CLEC16A: variants seen among roughly 807,000 people sequenced by gnomAD.
CLEC16A encodes the protein C-type lectin domain containing 16A, also known as protein CLEC16A.
Under a neutral mutation model 109.5 loss-of-function variants are expected in CLEC16A, and 51 were observed. That is an observed-to-expected ratio of 0.47 (90% CI 0.37 to 0.59). The LOEUF is 0.59. CLEC16A is among the 20% of genes least tolerant of loss of function. The pLI is 0.00. For synonymous variants in CLEC16A, 673 were observed against 564.2 expected, an observed-to-expected ratio of 1.19 and a Z score of -2.73; for missense variants, 1,339 against 1,394.0, an observed-to-expected ratio of 0.96 and a Z score of 0.63.
At chr16:11,064,130 ATCTG>A (rs1213594497) in intron 19 of CLEC16A, among the ~76,000 whole-genome samples, 2 of 152,168 alleles carry the variant, frequency 1.3e-5, no homozygotes, top group Non-Finnish European at 2.9e-5. Context: ...CTGCCCTTTC[ATCTG>A]TCTATTTAAA....
At chr16:11,056,210 C>T (rs2048204463) in intron 18 of CLEC16A, among the ~76,000 whole-genome samples, 1 of 152,114 alleles carries the variant, frequency 6.6e-6, no homozygotes, top group African/African-American at 2.4e-5. Flanking sequence ...TCAGACCAAC[C>T]ACGGGTCAAA....
rs56911220 is a variant in CLEC16A, at chr16:11,018,748, C to CAAAAAAAAAAAAAA, written c.1304-1441_1304-1428dup. The stretch of plus-strand genomic sequence containing the variant: ...TGGGCGACAGAGCGAGACTCCATCT[C>CAAAAAAAAAAAAAA]AAAAAAAAAAAAAAAAATGGAGACA... On this transcript the variant is annotated intron_variant, in intron 11 of 23. Transcript: ENST00000409790. Among the ~76,000 whole-genome samples the CAAAAAAAAAAAAAA allele has an allele frequency of 2.3e-3, 224 of 96,202 alleles. 11 individuals are homozygous for CAAAAAAAAAAAAAA. Among genetic ancestry groups the CAAAAAAAAAAAAAA allele is most frequent in the African/African-American group, 9.4e-3 (213 of 22,776 alleles). The allele number at this position is 96,202 out of a possible 152,430, so 63.1% of individuals were successfully genotyped here. A position where few individuals can be genotyped will look rare whatever the true frequency, so the allele number is the denominator to read the frequency against.
intron 11 of CLEC16A, among the ~76,000 whole-genome samples, chr16:11,015,962 A>G (rs1319575884): frequency 6.6e-6 from 1 of 152,268 alleles, no homozygotes; most frequent in Non-Finnish European, 1.5e-5. Context: ...CTAGCCTCAC[A>G]GGCTTGCTTG....
intron 10 of CLEC16A, among the ~76,000 whole-genome samples, chr16:10,984,537 C>T (rs997178168): frequency 1.3e-5 from 2 of 152,202 alleles, no homozygotes; most frequent in Admixed American, 1.3e-4. Flanking sequence ...ATGCAAATAA[C>T]TCACTGTCTT....
chr16:11,105,524 A>G (rs2152991602), intron 19 of CLEC16A, among the ~76,000 whole-genome samples: 1 of 152,332 alleles, frequency 6.6e-6, no homozygotes, highest in South Asian at 2.1e-4. Flanking sequence ...AAGACACACA[A>G]CTGGTTTTCC....
chr16:11,008,956 G>A (rs982536053), intron 11 of CLEC16A, among the ~76,000 whole-genome samples: 2 of 151,938 alleles, frequency 1.3e-5, no homozygotes, highest in African/African-American at 2.4e-5. Context: ...CCGAGATCGC[G>A]CCACTGCACT....
At chr16:11,071,502 A>AG (rs1413471639) in intron 19 of CLEC16A, among the ~76,000 whole-genome samples, 1 of 151,906 alleles carries the variant, frequency 6.6e-6, no homozygotes, top group African/African-American at 2.4e-5. Context: ...TCTTAGATTG[A>AG]GGGGGAAAAG....
chr16:10,986,948 G>A (rs9928020), intron 10 of CLEC16A, among the ~76,000 whole-genome samples: 2 of 151,662 alleles, frequency 1.3e-5, no homozygotes, highest in East Asian at 3.9e-4. Context: ...CTGTCTCCAG[G>A]GTTCAAGTGA....
At chr16:11,060,537 A>G (rs920777639) in intron 18 of CLEC16A, among the ~76,000 whole-genome samples, 1 of 152,156 alleles carries the variant, frequency 6.6e-6, no homozygotes. Context: ...TGGGCAGGTC[A>G]CTTCACCTTC....
At chr16:10,996,732 TGGGGTGGACTGTGGGCTCTGAGA>T (rs1259264435) in intron 10 of CLEC16A, among the ~76,000 whole-genome samples, 232 of 152,138 alleles carry the variant, frequency 1.5e-3, no homozygotes, top group Middle Eastern at 3.4e-3. Context: ...TTCACCTGTC[TGGGGTGGACTGTGGGCTCTGAGA>T]GGGGTGGACT....
In CLEC16A at chr16:11,123,905, G is replaced by T. The variant is rs1225800645; in HGVS notation, c.2432G>T (p.Gly811Val). The change falls in exon 21 of 24, where the codon GGC becomes GTC. Residue 811 changes from glycine to valine, a missense_variant. Around this residue, in one of 3 missense-constraint regions of CLEC16A, gnomAD observed 1,061 missense variants for 1,006.8 expected, o/e 1.05. Coordinates refer to ENST00000409790, the MANE Select transcript of CLEC16A (RefSeq NM_015226.3). ...ATCGCCAAGCAGCGCCTGGCCAAAGGCCGCATCCAGGCAAGGCGCATGAAG... is the reference window on the plus strand; with the variant it reads ...ATCGCCAAGCAGCGCCTGGCCAAAGTCCGCATCCAGGCAAGGCGCATGAAG... ...CIIAKQRLAK[G>V]RIQARRMKMQ... The T allele has an allele frequency of 6.2e-7, 1 of 1,613,644 alleles. No individual in the cohort carries two copies. Among genetic ancestry groups the T allele is most frequent in the African/African-American group, 1.3e-5 (1 of 74,936 alleles).
chr16:11,049,386 CCTCATGGGTCCATACACAACAACAAATA>C (rs2047812540), intron 17 of CLEC16A, among the ~76,000 whole-genome samples: 1 of 152,170 alleles, frequency 6.6e-6, no homozygotes, highest in Non-Finnish European at 1.5e-5. Flanking sequence ...CAACAAGAGG[CCTCATGGGTCCATACACAACAACAAATA>C]CTCATGGGTC....
intron 18 of CLEC16A, among the ~76,000 whole-genome samples, chr16:11,058,815 T>C (rs1486882894): frequency 6.6e-6 from 1 of 152,208 alleles, no homozygotes; most frequent in Non-Finnish European, 1.5e-5. Flanking sequence ...GCATGAGTTA[T>C]TTGCCTTCAA....
At position 10,954,101 on chromosome 16, in the gene CLEC16A, C is replaced by A. The variant is rs538270029; in HGVS notation, c.81-3681C>A. 6.6e-6 allele frequency among the ~76,000 whole-genome samples: 1 copy of A among 152,316 alleles called. No individual in the cohort carries two copies. The highest frequency in any genetic ancestry group is 2.1e-4 in the South Asian group (1 of 4,830). ...CTGGAAGAAAGCCCCCACGCAATAT[C>A]ACTGCATACCCAGCAGATGGCGCCA... On this transcript the variant is annotated intron_variant, in intron 1 of 23. Transcript: ENST00000409790. The surrounding 1 kb of genome is among the most constrained non-coding windows in gnomAD (Gnocchi z 4.2).
intron 10 of CLEC16A, among the ~76,000 whole-genome samples, chr16:10,996,103 A>C (rs2044311081): frequency 6.6e-6 from 1 of 151,828 alleles, no homozygotes; most frequent in East Asian, 1.9e-4. Context: ...TTTCCTGGTC[A>C]CTCGCCAACA....
intron 23 of CLEC16A, among the ~76,000 whole-genome samples, chr16:11,173,806 C>T (rs981646241): frequency 4.6e-5 from 7 of 152,312 alleles, no homozygotes; most frequent in African/African-American, 1.7e-4. Context: ...TCTTCCGTCC[C>T]CTGAGGCTTC....
chr16:11,113,718 C>T (rs982263657), intron 19 of CLEC16A, among the ~76,000 whole-genome samples: 2 of 152,302 alleles, frequency 1.3e-5, no homozygotes, highest in East Asian at 3.9e-4. Context: ...TTTTTCTACT[C>T]ATCGTATGTT....
chr16:11,042,943 T>C (rs539812365), intron 15 of CLEC16A, among the ~76,000 whole-genome samples: 8 of 150,614 alleles, frequency 5.3e-5, no homozygotes, highest in Admixed American at 5.3e-4. Flanking sequence ...ATACAATATG[T>C]AAATATTATA....
intron 22 of CLEC16A, among the ~76,000 whole-genome samples, chr16:11,146,361 A>G (rs1488494203): frequency 6.6e-6 from 1 of 152,244 alleles, no homozygotes; most frequent in African/African-American, 2.4e-5. Flanking sequence ...GTCCTGGGCT[A>G]TACCAGACAT....
Sources: allele counts gnomAD v4.1 joint callset (sites outside exome capture counted in the v4.1 genomes callset), GRCh38; gene constraint gnomAD v4.1.1; regional missense constraint gnomAD v4.1.1; non-coding constraint Gnocchi (gnomAD v3.1); transcripts MANE v1.5; gene names NCBI Gene and HGNC (gene_info 2026-07-23, HGNC 2026-07-21).